SRBD1: variants seen among roughly 807,000 people sequenced by gnomAD.
SRBD1 encodes S1 RNA binding domain 1.
In SRBD1, 88 loss-of-function variants were observed where a neutral mutation model predicts 115.3. The observed-to-expected ratio is 0.76, with a 90% confidence interval of 0.64 to 0.91. The LOEUF (loss-of-function observed/expected upper bound fraction) is 0.91, where lower values mean the gene tolerates loss of function less well. Ranked by LOEUF, SRBD1 falls within the 40% of genes least tolerant of loss-of-function variation. The probability of loss-of-function intolerance (pLI) is 0.00; values close to 1 mark genes in which losing one functional copy is unlikely to be tolerated. For synonymous variants in SRBD1, 509 were observed against 407.7 expected, an observed-to-expected ratio of 1.25 and a Z score of -2.99; for missense variants, 1,385 against 1,177.4, an observed-to-expected ratio of 1.18 and a Z score of -2.58.
At chr2:45,498,880 T>G (rs1001438332) in intron 14 of SRBD1, among the ~76,000 whole-genome samples, 1 of 152,262 alleles carries the variant, frequency 6.6e-6, no homozygotes, top group African/African-American at 2.4e-5. Context: ...CCACATTTTC[T>G]TTATCCATTC....
At chr2:45,401,386 A>G (rs1396077445) in intron 19 of SRBD1, among the ~76,000 whole-genome samples, 2 of 152,188 alleles carry the variant, frequency 1.3e-5, no homozygotes, top group Non-Finnish European at 2.9e-5. Flanking sequence ...GCAATCTAAT[A>G]TTGTCTAGCC....
At chr2:45,591,416 C>T (rs1264617779) in intron 4 of SRBD1, among the ~76,000 whole-genome samples, 2 of 152,154 alleles carry the variant, frequency 1.3e-5, no homozygotes, top group Non-Finnish European at 2.9e-5. Context: ...TTCAGGGAGA[C>T]TGATTTGAGT....
chr2:45,463,901 T>C (rs979506310), intron 16 of SRBD1, among the ~76,000 whole-genome samples: 1 of 152,216 alleles, frequency 6.6e-6, no homozygotes, highest in African/African-American at 2.4e-5. Flanking sequence ...AGAACTTCCA[T>C]AACTTACATT....
chr2:45,577,629 G>A (rs1673220786), intron 7 of SRBD1, among the ~76,000 whole-genome samples: 1 of 151,550 alleles, frequency 6.6e-6, no homozygotes, highest in African/African-American at 2.4e-5. Flanking sequence ...ACTGGTCTGT[G>A]GCAAGCAAGC....
chr2:45,546,808 C>T lies in SRBD1; in HGVS notation c.1798G>A (p.Ala600Thr), dbSNP rs1307478370. 1.2e-6 allele frequency: 2 copies of T among 1,614,118 alleles called. No homozygotes were observed. The highest frequency in any genetic ancestry group is 4.5e-5 in the East Asian group (2 of 44,878). ...CSTVVIGNGT[A>T]CRETEAYFAD... ...AAGTAAGCTTCTGTTTCCCTGCAGG[C>T]AGTTCCATTTCCAATCACTACTGTG... Residue 600 changes from alanine to threonine, a missense_variant, in exon 14 of 21, where the codon GCC becomes ACC. Transcript: ENST00000263736.
intron 19 of SRBD1, among the ~76,000 whole-genome samples, chr2:45,404,805 C>G (rs1388502279): frequency 1.3e-5 from 2 of 152,064 alleles, no homozygotes; most frequent in Non-Finnish European, 2.9e-5. Flanking sequence ...TCCCAATGCC[C>G]TTTTGACTCA....
chr2:45,405,809 A>G (rs1667421166), intron 19 of SRBD1, among the ~76,000 whole-genome samples: 1 of 152,112 alleles, frequency 6.6e-6, no homozygotes, highest in Non-Finnish European at 1.5e-5. Context: ...GGGTAAGGAT[A>G]GAAGCCAATT....
Position 45,574,663 on chromosome 2 carries a change from G to C in SRBD1, c.1133C>G (p.Ala378Gly). The C allele has an allele frequency of 1.9e-6, 3 of 1,613,774 alleles. No individual in the cohort carries two copies. Among genetic ancestry groups the C allele is most frequent in the African/African-American group, 1.3e-5 (1 of 75,004 alleles). ...GAAGTCAAGCGTGTCTTTGTCTTTA[G>C]CAATCATATCTGCTAAAATATGCTG... The part of the protein sequence containing the change: ...GVQHILADMI[A>G]KDKDTLDFIR... Residue 378 changes from alanine (A) to glycine (G), a missense_variant, in exon 8 of 21, where the codon GCT (alanine) becomes GGT (glycine). Physicochemically the swap from Ala to Gly is moderately conservative, Grantham distance 60. Transcript: ENST00000263736.
chr2:45,505,093 A>C (rs969997407), intron 14 of SRBD1, among the ~76,000 whole-genome samples: 5 of 152,306 alleles, frequency 3.3e-5, no homozygotes, highest in African/African-American at 1.2e-4. Context: ...CACTCTCAAA[A>C]ATAAATGAAC....
Position 45,393,069 on chromosome 2 carries a change from T to C in SRBD1, c.2574A>G (p.Lys858=). 6.2e-7 allele frequency: 1 copy of C among 1,613,990 alleles called. No homozygotes were observed. Among genetic ancestry groups the C allele is most frequent in the Non-Finnish European group, 8.5e-7 (1 of 1,179,966 alleles). Residue 858 remains lysine (K), a synonymous_variant, in exon 20 of 21, where the codon AAA becomes AAG. Transcript: ENST00000263736. Reference sequence around the variant, plus strand: ...CTTCCTTTTCAAGGAATGAATTTATTTTTTGTTGCATTTCAGGCTTTCCAA... The same window carrying C: ...CTTCCTTTTCAAGGAATGAATTTATCTTTTGTTGCATTTCAGGCTTTCCAA... ...YEVGKPEMQQ[K]INSFLEKEGM... is the part of the protein sequence containing the mutation.
intron 16 of SRBD1, among the ~76,000 whole-genome samples, chr2:45,464,166 T>C (rs1669409256): frequency 6.6e-6 from 1 of 151,986 alleles, no homozygotes. Flanking sequence ...ACTCCAGTTC[T>C]TTCATCCATA....
chr2:45,583,459 T>C (rs1673426479), intron 5 of SRBD1, among the ~76,000 whole-genome samples: 1 of 152,196 alleles, frequency 6.6e-6, no homozygotes, highest in African/African-American at 2.4e-5. Flanking sequence ...CTTTTCTTAC[T>C]ATCCAGAATC....
At chr2:45,580,934 C>T (rs893903390) in intron 6 of SRBD1, among the ~76,000 whole-genome samples, 9 of 151,814 alleles carry the variant, frequency 5.9e-5, no homozygotes, top group African/African-American at 2.2e-4. Context: ...CAGCCCACCT[C>T]GGCCTCCCAA....
intron 14 of SRBD1, among the ~76,000 whole-genome samples, chr2:45,541,732 C>T (rs542368310): frequency 1.7e-3 from 253 of 152,298 alleles, no homozygotes; most frequent in African/African-American, 5.7e-3. Flanking sequence ...ATTCTGCAGA[C>T]AGGTCTCCTG....
intron 16 of SRBD1, among the ~76,000 whole-genome samples, chr2:45,446,608 G>C (rs1029861958): frequency 2.0e-5 from 3 of 151,584 alleles, no homozygotes; most frequent in Non-Finnish European, 4.4e-5. Flanking sequence ...TAATTTCCCA[G>C]AAGTGAAGGA....
intron 14 of SRBD1, among the ~76,000 whole-genome samples, chr2:45,522,480 C>G (rs896701571): frequency 1.3e-5 from 2 of 152,112 alleles, no homozygotes; most frequent in Non-Finnish European, 2.9e-5. Flanking sequence ...TGGTGCCTGG[C>G]CCAAAATCTG....
At chr2:45,590,582 A>G (rs1673689278) in intron 4 of SRBD1, among the ~76,000 whole-genome samples, 1 of 152,082 alleles carries the variant, frequency 6.6e-6, no homozygotes, top group Middle Eastern at 3.2e-3. Context: ...ACAAGATATA[A>G]TGGTTTTGTA....
intron 19 of SRBD1, among the ~76,000 whole-genome samples, chr2:45,400,987 T>C (rs1405684946): frequency 6.6e-6 from 1 of 152,180 alleles, no homozygotes; most frequent in Non-Finnish European, 1.5e-5. Flanking sequence ...GGCTGTGTTT[T>C]GGAACAGTGT....
chr2:45,448,206 T>G (rs889086559), intron 16 of SRBD1: 1 of 152,180 alleles, frequency 6.6e-6, no homozygotes, highest in Non-Finnish European at 1.5e-5. Context: ...TTTCAAATCT[T>G]GCCTCTACTA....
Sources: allele counts gnomAD v4.1 joint callset (sites outside exome capture counted in the v4.1 genomes callset), GRCh38; gene constraint gnomAD v4.1.1; transcripts MANE v1.5; gene names NCBI Gene and HGNC (gene_info 2026-07-23, HGNC 2026-07-21).